Variants in ZNF398 observed in about 807,000 individuals in gnomAD.
The protein encoded by ZNF398 is zinc finger DNA binding protein ZER6.
ZNF398 carries 18 observed loss-of-function variants against 41.9 expected under a neutral mutation model. The ratio of observed to expected loss-of-function variants is 0.43; its 90% CI spans 0.30 to 0.64. The LOEUF (loss-of-function observed/expected upper bound fraction) is 0.64. Ranked by LOEUF, ZNF398 falls within the 30% of genes least tolerant of loss-of-function variation. The pLI, the probability that ZNF398 is intolerant of heterozygous loss-of-function variation, is 0.14. For missense variants in ZNF398, 669 were observed against 822.8 expected (o/e 0.81, Z 2.29); for synonymous variants, 260 against 308.8 (o/e 0.84, Z 1.66).
chr7:149,130,147 G>C (rs1186992436), intron 2 of ZNF398, among the ~76,000 whole-genome samples: 2 of 152,138 alleles, frequency 1.3e-5, no homozygotes, highest in Non-Finnish European at 1.5e-5. Context: ...CCAGGCTGGA[G>C]TGCAGTGGCA....
At chr7:149,171,784 T>C (rs2129521483) in intron 4 of ZNF398, among the ~76,000 whole-genome samples, 1 of 152,356 alleles carries the variant, frequency 6.6e-6, no homozygotes, top group East Asian at 1.9e-4. Context: ...GTGATTCTCC[T>C]GCCTCAGCCT....
At chr7:149,153,814 C>A (rs1001058450) in intron 1 of ZNF398, 131 bp from the exon 2 acceptor site, 2 of 1,100,092 alleles carry the variant, frequency 1.8e-6, no homozygotes, top group African/African-American at 3.1e-5. Context: ...ATGAGGCATA[C>A]GCAGGCAGTA....
At chr7:149,139,653 G>A (rs554172692) in intron 2 of ZNF398, among the ~76,000 whole-genome samples, 3 of 151,498 alleles carry the variant, frequency 2.0e-5, no homozygotes, top group East Asian at 1.9e-4. Flanking sequence ...CCCGGGAGGC[G>A]GAGGTTGCAG....
intron 2 of ZNF398, among the ~76,000 whole-genome samples, chr7:149,132,613 G>C (rs991886758): frequency 4.6e-5 from 7 of 152,088 alleles, no homozygotes; most frequent in Non-Finnish European, 1.0e-4. Flanking sequence ...TTTACCAGGG[G>C]CCCAGAGATG....
At chr7:149,132,517 G>A (rs1156529938) in intron 2 of ZNF398, among the ~76,000 whole-genome samples, 2 of 151,704 alleles carry the variant, frequency 1.3e-5, no homozygotes, top group Non-Finnish European at 2.9e-5. Context: ...TCTCTCTTTC[G>A]AGAGAGAGAG....
intron 2 of ZNF398, among the ~76,000 whole-genome samples, chr7:149,139,947 G>A (rs548448243): frequency 1.3e-5 from 2 of 149,944 alleles, no homozygotes; most frequent in South Asian, 2.1e-4. Flanking sequence ...GCAGTGAGCC[G>A]AGATTGCGCC....
chr7:149,158,452 T>C (rs997263672), intron 2 of ZNF398, among the ~76,000 whole-genome samples: 11 of 152,220 alleles, frequency 7.2e-5, no homozygotes, highest in African/African-American at 2.7e-4. Context: ...GGAAGGATAT[T>C]GGAGCCGTTT....
chr7:149,147,824 A>G lies in ZNF398; in HGVS notation c.24+58A>G. On this transcript the variant is annotated intron_variant, in intron 1 of 5. Transcript: ENST00000475153. This position sits in a 1 kb window ranked among gnomAD's most constrained non-coding sequence, Gnocchi z 5.6. ...CCCGAGACCCAGACCCCGAGGGAGG[A>G]AGGCGGGCGGGCAGGGAGCTGCCAG... is the stretch of plus-strand genomic sequence containing the variant. 1 of 1,322,938 alleles carries G rather than the reference A, an allele frequency of 7.6e-7. No individual in the cohort carries two copies. Among genetic ancestry groups the G allele is most frequent in the Non-Finnish European group, 9.7e-7 (1 of 1,032,780 alleles). 81.9% of individuals were successfully genotyped at this position (1,322,938 alleles called of 1,614,324 possible). A position where few individuals can be genotyped will look rare whatever the true frequency, so the allele number is the denominator to read the frequency against.
chr7:149,135,408 A>AAAAG (rs1300336798), intron 2 of ZNF398, among the ~76,000 whole-genome samples: 13 of 148,678 alleles, frequency 8.7e-5, no homozygotes, highest in South Asian at 2.1e-4. Flanking sequence ...AAAAAAAAAA[A>AAAAG]AAAGAAAGAA....
chr7:149,156,955 G>A (rs1053401373), intron 2 of ZNF398, among the ~76,000 whole-genome samples: 9 of 151,972 alleles, frequency 5.9e-5, no homozygotes, highest in African/African-American at 2.2e-4. Flanking sequence ...AGGCATATGA[G>A]TCTCAGAAGA....
chr7:149,160,927 C>T (rs915274784), intron 2 of ZNF398, among the ~76,000 whole-genome samples: 3 of 152,036 alleles, frequency 2.0e-5, no homozygotes, highest in Non-Finnish European at 4.4e-5. Context: ...ACTGAGGGGG[C>T]TAGAGTGGGG....
At chr7:149,155,702 TATATA>T (rs374821561) in intron 2 of ZNF398, among the ~76,000 whole-genome samples, 12,925 of 55,108 alleles carry the variant, frequency 0.23, 773 homozygotes, top group Middle Eastern at 0.32. Flanking sequence ...TATATATATA[TATATA>T]TTTTTTTTTT....
chr7:149,179,585 C>G lies in ZNF398; in HGVS notation c.1713C>G (p.Tyr571Ter). 1 of 1,614,226 alleles carries G rather than the reference C, an allele frequency of 6.2e-7. No homozygotes were observed. Among genetic ancestry groups the G allele is most frequent in the Non-Finnish European group, 8.5e-7 (1 of 1,180,028 alleles). The change falls in exon 6 of 6, where the codon TAC becomes TAG. Residue 571 changes from tyrosine to a stop codon, truncating the protein, a stop_gained. Transcript: ENST00000475153. LOFTEE classifies it high-confidence loss of function. The surrounding 1 kb of genome is among the most constrained non-coding windows in gnomAD (Gnocchi z 6.1). ...HTGERPYPCS[Y>*]CGRSFRYKQT... is the part of the protein sequence containing the mutation. ...GGGAGCGGCCCTACCCCTGCTCCTA[C>G]TGTGGCAGGAGCTTCCGCTACAAAC...
At position 149,166,888 on chromosome 7, in the gene ZNF398, G is replaced by A. The variant is rs760071005; in HGVS notation, c.619G>A (p.Ala207Thr). The change falls in exon 4 of 6, where the codon GCA becomes ACA. Residue 207 changes from alanine (A) to threonine (T), a missense_variant. By Grantham distance (58) the Ala-to-Thr change is moderately conservative. Coordinates refer to ENST00000475153, the MANE Select transcript of ZNF398 (RefSeq NM_170686.3). ...AGGGGAACATAATACAGAGGACCAG[G>A]CAGGGCCAGAGGAAAGTGAGATTCC... The part of the protein sequence containing the change: ...PEGEHNTEDQ[A>T]GPEESEIPTD... 12 of 1,613,024 alleles carry A rather than the reference G, an allele frequency of 7.4e-6. No homozygotes were observed. The South Asian group carries it at 1.2e-4, about 16-fold the overall frequency.
At chr7:149,129,950 G>A (rs1370145589) in intron 2 of ZNF398, among the ~76,000 whole-genome samples, 2 of 151,984 alleles carry the variant, frequency 1.3e-5, no homozygotes, top group Non-Finnish European at 1.5e-5. Context: ...ACAGGCATGT[G>A]CCACCACGCC....
intron 2 of ZNF398, among the ~76,000 whole-genome samples, chr7:149,157,781 TGAGCC>T (rs1165780991): frequency 7.1e-6 from 1 of 141,010 alleles, no homozygotes; most frequent in African/African-American, 2.7e-5. Flanking sequence ...GAGGTCGCAG[TGAGCC>T]GAGATCGTGC....
rs774906608 is a variant in ZNF398 at position 149,179,136 on chromosome 7, A to G, written c.1264A>G (p.Ser422Gly). The change falls in exon 6 of 6, where the codon AGC becomes GGC. Residue 422 changes from serine (S) to glycine (G), a missense_variant. Coordinates refer to ENST00000475153, the MANE Select transcript of ZNF398 (RefSeq NM_170686.3). The surrounding 1 kb of genome is among the most constrained non-coding windows in gnomAD (Gnocchi z 6.1). ...TACCTACCATCTTCGGGTCCATAAC[A>G]GCACTGAGCGTCCTTTCCCCTGTCC... ...RLTYHLRVHN[S>G]TERPFPCPDC... is the part of the protein sequence containing the mutation. 4 of 1,614,004 alleles carry G rather than the reference A, an allele frequency of 2.5e-6. No homozygotes were observed. The highest frequency in any genetic ancestry group is 3.3e-5 in the Admixed American group (2 of 60,000).
At chr7:149,157,421 G>C (rs1269555231) in intron 2 of ZNF398, among the ~76,000 whole-genome samples, 1 of 151,896 alleles carries the variant, frequency 6.6e-6, no homozygotes, top group Non-Finnish European at 1.5e-5. Flanking sequence ...TGTAGTCCCA[G>C]CTACTCGGGA....
intron 2 of ZNF398, among the ~76,000 whole-genome samples, chr7:149,141,452 T>TTC (rs1440428759): frequency 2.5e-4 from 33 of 131,540 alleles, no homozygotes; most frequent in Middle Eastern, 3.7e-3. Flanking sequence ...CTTTTCTTTT[T>TTC]TTTCTTTTTT....
Sources: gnomAD v4.1 joint callset for allele counts (sites outside exome capture counted in the v4.1 genomes callset) on GRCh38, gnomAD v4.1.1 for gene constraint, Gnocchi (gnomAD v3.1) non-coding constraint, MANE v1.5 for transcripts, NCBI Gene and HGNC (gene_info 2026-07-23, HGNC 2026-07-21) for gene names.